Variants in NKAIN2 observed in about 807,000 individuals in gnomAD.
The protein encoded by NKAIN2 is sodium/potassium transporting ATPase interacting 2.
NKAIN2 carries 14 observed loss-of-function variants against 32.6 expected under a neutral mutation model. That is an observed-to-expected ratio of 0.43 (90% CI 0.28 to 0.67). NKAIN2 has a LOEUF of 0.67. Ranked by LOEUF, NKAIN2 falls within the 30% of genes least tolerant of loss-of-function variation. NKAIN2 has a pLI of 0.17. For missense variants in NKAIN2, 198 were observed against 258.3 expected (o/e 0.77, Z 1.60); for synonymous variants, 80 against 87.2 (o/e 0.92, Z 0.46).
intron 3 of NKAIN2, among the ~76,000 whole-genome samples, chr6:124,653,970 T>C (rs1784453276): frequency 1.3e-5 from 2 of 152,072 alleles, no homozygotes; most frequent in African/African-American, 4.8e-5. Context: ...ACATCGTATG[T>C]CATCAGGGAA....
intron 1 of NKAIN2, among the ~76,000 whole-genome samples, chr6:124,203,176 T>C (rs1790674806): frequency 1.3e-5 from 2 of 151,900 alleles, no homozygotes; most frequent in Non-Finnish European, 1.5e-5. Context: ...ATTGTATAGA[T>C]TTTTAAAATA....
At chr6:124,321,522 G>A (rs372453209) in intron 2 of NKAIN2, among the ~76,000 whole-genome samples, 7 of 152,232 alleles carry the variant, frequency 4.6e-5, no homozygotes, top group African/African-American at 9.6e-5. Flanking sequence ...TATTTGCAAG[G>A]TAAGTGGCTA....
At chr6:124,687,743 T>TATACACAC (rs1554251784) in intron 4 of NKAIN2, among the ~76,000 whole-genome samples, 4,373 of 104,296 alleles carry the variant, frequency 0.042, 166 homozygotes, top group South Asian at 0.085. Context: ...ATATGATATA[T>TATACACAC]ACACACACAC....
chr6:123,826,168 C>G (rs1247423102), intron 1 of NKAIN2, among the ~76,000 whole-genome samples: 2 of 152,066 alleles, frequency 1.3e-5, no homozygotes, highest in Non-Finnish European at 1.5e-5. Flanking sequence ...TTAACAGATG[C>G]ATGACATAAA....
intron 2 of NKAIN2, among the ~76,000 whole-genome samples, chr6:124,312,579 A>C (rs1362431046): frequency 6.6e-6 from 1 of 152,202 alleles, no homozygotes; most frequent in Non-Finnish European, 1.5e-5. Flanking sequence ...GGGAAGGAGC[A>C]CAGAGCTTCG....
intron 1 of NKAIN2, among the ~76,000 whole-genome samples, chr6:123,991,262 A>C (rs1779397321): frequency 6.6e-6 from 1 of 152,168 alleles, no homozygotes; most frequent in Admixed American, 6.5e-5. Flanking sequence ...GTACATAAAC[A>C]CTTGGTTCCT....
intron 4 of NKAIN2, among the ~76,000 whole-genome samples, chr6:124,708,221 A>G (rs2114592698): frequency 6.8e-6 from 1 of 146,608 alleles, no homozygotes; most frequent in African/African-American, 2.6e-5. Flanking sequence ...TGGTACCAAT[A>G]CCATGCTGTT....
At chr6:123,819,597 A>G (rs59044815) in intron 1 of NKAIN2, among the ~76,000 whole-genome samples, 3,505 of 152,292 alleles carry the variant, frequency 0.023, 132 homozygotes, top group African/African-American at 0.079. Flanking sequence ...TTACTTGCTA[A>G]TTTAAAGAAA....
intron 1 of NKAIN2, among the ~76,000 whole-genome samples, chr6:123,936,719 T>C (rs1215519940): frequency 6.6e-6 from 1 of 152,156 alleles, no homozygotes; most frequent in Non-Finnish European, 1.5e-5. Flanking sequence ...GAAGTGTTGT[T>C]ATTTGTGTGC....
chr6:124,644,263 G>A (rs1784088245), intron 3 of NKAIN2, among the ~76,000 whole-genome samples: 1 of 152,106 alleles, frequency 6.6e-6, no homozygotes, highest in Non-Finnish European at 1.5e-5. Flanking sequence ...TCACTATGCT[G>A]ATGAGAACAT....
chr6:124,797,623 C>T (rs1029904373), intron 5 of NKAIN2, among the ~76,000 whole-genome samples: 5 of 152,072 alleles, frequency 3.3e-5, no homozygotes, highest in African/African-American at 1.2e-4. Flanking sequence ...GGAAATTATT[C>T]ACTTCTCTGG....
intron 3 of NKAIN2, among the ~76,000 whole-genome samples, chr6:124,516,053 C>T (rs958777908): frequency 2.6e-5 from 4 of 152,112 alleles, no homozygotes; most frequent in East Asian, 1.9e-4. Context: ...CTATCTTCCT[C>T]GCACTATTCT....
intron 3 of NKAIN2, among the ~76,000 whole-genome samples, chr6:124,574,511 A>G (rs1313761096): frequency 6.6e-6 from 1 of 152,100 alleles, no homozygotes; most frequent in Non-Finnish European, 1.5e-5. Context: ...CCAGCTACTC[A>G]TAAAGCTGAG....
At chr6:124,545,656 A>AAT (rs937615735) in intron 3 of NKAIN2, among the ~76,000 whole-genome samples, 3 of 151,040 alleles carry the variant, frequency 2.0e-5, no homozygotes, top group Non-Finnish European at 3.0e-5. Context: ...ATATGTATGT[A>AAT]ATATATATAT....
intron 3 of NKAIN2, among the ~76,000 whole-genome samples, chr6:124,549,884 C>G (rs1282294411): frequency 6.6e-6 from 1 of 152,066 alleles, no homozygotes; most frequent in African/African-American, 2.4e-5. Context: ...TAATGTTGAC[C>G]ATGATTATTT....
intron 1 of NKAIN2, among the ~76,000 whole-genome samples, chr6:124,008,766 C>T (rs745590367): frequency 1.3e-5 from 2 of 152,040 alleles, no homozygotes; most frequent in East Asian, 1.9e-4. Context: ...GCTGTCTTGG[C>T]GACAGGCAAC....
intron 3 of NKAIN2, among the ~76,000 whole-genome samples, chr6:124,531,897 C>A (rs1258587704): frequency 6.6e-6 from 1 of 152,200 alleles, no homozygotes; most frequent in Non-Finnish European, 1.5e-5. Flanking sequence ...TGTTGAACTC[C>A]TGGCCTCAGG....
chr6:124,092,586 A>G (rs895955921), intron 1 of NKAIN2, among the ~76,000 whole-genome samples: 3 of 152,106 alleles, frequency 2.0e-5, no homozygotes, highest in Admixed American at 1.3e-4. Flanking sequence ...ATTTTATTCA[A>G]ACTCACATTA....
At chr6:124,740,482 G>A (rs1014624412) in intron 4 of NKAIN2, among the ~76,000 whole-genome samples, 8 of 146,596 alleles carry the variant, frequency 5.5e-5, no homozygotes, top group African/African-American at 2.0e-4. Context: ...GTGGTGATAG[G>A]TGCTATGAAA....
Sources: gnomAD v4.1 joint callset for allele counts (sites outside exome capture counted in the v4.1 genomes callset) on GRCh38, gnomAD v4.1.1 for gene constraint, MANE v1.5 for transcripts, NCBI Gene and HGNC (gene_info 2026-07-23, HGNC 2026-07-21) for gene names.